Variants in PCGF3 observed in about 807,000 individuals in gnomAD.
The protein encoded by PCGF3 is polycomb group RING finger protein 3.
Under a neutral mutation model 33.1 loss-of-function variants are expected in PCGF3, and 7 were observed. That is an observed-to-expected ratio of 0.21 (90% confidence interval 0.12 to 0.40). PCGF3 has a LOEUF of 0.40. PCGF3 is among the 10% of genes least tolerant of loss of function. The probability of loss-of-function intolerance (pLI) is 1.00; values close to 1 mark genes in which losing one functional copy is unlikely to be tolerated. For synonymous variants in PCGF3, 153 were observed against 121.3 expected (o/e 1.26, Z -1.72); for missense variants, 211 against 313.3 (o/e 0.67, Z 2.46).
chr4:707,359 C>T (rs1742352381), intron 1 of PCGF3, among the ~76,000 whole-genome samples: 2 of 152,208 alleles, frequency 1.3e-5, no homozygotes, highest in Non-Finnish European at 2.9e-5. Flanking sequence ...GGGCCAGGAC[C>T]CCATGACCAT....
intron 1 of PCGF3, among the ~76,000 whole-genome samples, chr4:728,590 C>T (rs898159643): frequency 6.6e-6 from 1 of 152,298 alleles, no homozygotes; most frequent in African/African-American, 2.4e-5. Flanking sequence ...TAGTCCCCCA[C>T]GGATACCAAG....
chr4:764,853 C>CG, intron 9 of PCGF3, 131 bp from the exon 10 acceptor site: 1 of 644,384 alleles, frequency 1.6e-6, no homozygotes, highest in Admixed American at 2.4e-5. Flanking sequence ...AACCAGCCCC[C>CG]CCCACCCCAT....
At chr4:736,739 G>A (rs1176021019) in intron 5 of PCGF3, among the ~76,000 whole-genome samples, 2 of 150,986 alleles carry the variant, frequency 1.3e-5, no homozygotes, top group Admixed American at 6.6e-5. Flanking sequence ...CGCACGGGAC[G>A]CGGGGAACCC....
chr4:715,104 T>C (rs1464912568), intron 1 of PCGF3, among the ~76,000 whole-genome samples: 3 of 139,312 alleles, frequency 2.2e-5, no homozygotes, highest in Non-Finnish European at 4.6e-5. Context: ...CTGTAGACTC[T>C]GTGAGTGTGA....
At chr4:755,580 C>A (rs1375796323) in intron 8 of PCGF3, among the ~76,000 whole-genome samples, 2 of 152,160 alleles carry the variant, frequency 1.3e-5, no homozygotes, top group Non-Finnish European at 2.9e-5. Flanking sequence ...TCTTCTGAAT[C>A]TTAAAAATGT....
chr4:738,510 G>T (rs1220478310), intron 6 of PCGF3, among the ~76,000 whole-genome samples: 1 of 152,166 alleles, frequency 6.6e-6, no homozygotes, highest in Non-Finnish European at 1.5e-5. Context: ...GGCGGGATCG[G>T]GGCGGGACCC....
At chr4:754,833 C>G (rs1396766325) in intron 8 of PCGF3, among the ~76,000 whole-genome samples, 1 of 152,224 alleles carries the variant, frequency 6.6e-6, no homozygotes, top group Admixed American at 6.5e-5. Flanking sequence ...GGAGACCAGG[C>G]AGGCGTCTGA....
chr4:763,524 C>T (rs1019179773), intron 9 of PCGF3, among the ~76,000 whole-genome samples: 5 of 152,322 alleles, frequency 3.3e-5, no homozygotes, highest in East Asian at 1.9e-4. Flanking sequence ...AGGAAAACTG[C>T]GTGGCACCAC....
At chr4:727,132 G>A (rs915526969) in intron 1 of PCGF3, among the ~76,000 whole-genome samples, 1 of 151,864 alleles carries the variant, frequency 6.6e-6, no homozygotes, top group Non-Finnish European at 1.5e-5. Context: ...CCTTCTGATG[G>A]ACTAACTAGG....
At chr4:763,479 A>G (rs951283576) in intron 9 of PCGF3, among the ~76,000 whole-genome samples, 3 of 152,210 alleles carry the variant, frequency 2.0e-5, no homozygotes, top group East Asian at 1.9e-4. Flanking sequence ...CCAGGGAGGA[A>G]TCTGAAGAAC....
At position 720,741 on chromosome 4, in the gene PCGF3, C is replaced by T. The variant is rs1008529556; in HGVS notation, c.-189-9889C>T. ...ACGGGCGGTGACGTGCGTGTGGACC[C>T]GGCGTGGACGCAGCCCCGACGTGAA... On this transcript the variant is annotated intron_variant, in intron 1 of 10. Transcript: ENST00000362003. The surrounding 1 kb of genome is among the most constrained non-coding windows in gnomAD (Gnocchi z 5.6). 6.7e-6 allele frequency among the ~76,000 whole-genome samples: 1 copy of T among 148,210 alleles called. No individual in the cohort carries two copies. Among genetic ancestry groups the T allele is most frequent in the African/African-American group, 2.5e-5 (1 of 39,834 alleles).
In PCGF3 at chr4:716,643, T is replaced by C. The variant is rs1369041754; in HGVS notation, c.-190+10673T>C. On this transcript the variant is annotated intron_variant, in intron 1 of 10. Coordinates refer to ENST00000362003, the Ensembl canonical transcript of PCGF3. ...GTGCTGGGACCCTGTAGACACTGAG[T>C]GTGAGAACTGGGTGTCGGTGCTGGG... is the stretch of plus-strand genomic sequence containing the variant. 2.5e-5 allele frequency among the ~76,000 whole-genome samples: 3 copies of C among 122,208 alleles called. No individual in the cohort carries two copies. The East Asian group carries it at 8.1e-4, about 33-fold the overall frequency. The allele number at this position is 122,208 out of a possible 152,430, so 80.2% of individuals were successfully genotyped here.
intron 4 of PCGF3, chr4:734,227 T>C: frequency 6.6e-7 from 1 of 1,505,388 alleles, no homozygotes; most frequent in Admixed American, 2.2e-5. Context: ...GGGCTGGACC[T>C]GAGTGTTTTT....
chr4:726,517 T>C (rs73221115), intron 1 of PCGF3, among the ~76,000 whole-genome samples: 4,576 of 152,346 alleles, frequency 0.03, 131 homozygotes, highest in South Asian at 0.089. Flanking sequence ...ATGGTGCTTT[T>C]GAATAACTCA....
intron 10 of PCGF3, among the ~76,000 whole-genome samples, chr4:765,794 GCA>G (rs1156930892): frequency 6.6e-6 from 1 of 152,164 alleles, no homozygotes; most frequent in Non-Finnish European, 1.5e-5. Flanking sequence ...ACCACGGTGT[GCA>G]CAGTGGTCAC....
At chr4:714,183 C>T (rs1028809336) in intron 1 of PCGF3, among the ~76,000 whole-genome samples, 2 of 152,174 alleles carry the variant, frequency 1.3e-5, no homozygotes, top group Non-Finnish European at 2.9e-5. Flanking sequence ...AATCTGCGAG[C>T]GCCTTGATTC....
intron 1 of PCGF3, among the ~76,000 whole-genome samples, chr4:714,014 C>G (rs977655533): frequency 6.6e-6 from 1 of 152,098 alleles, no homozygotes; most frequent in Non-Finnish European, 1.5e-5. Context: ...ACGTCTGTGT[C>G]CCCCAGAATC....
At chr4:732,335 T>TCCTCTCCTCCCTTCCCTTCC (rs1743619148) in intron 3 of PCGF3, 3 of 77,906 alleles carry the variant, frequency 3.9e-5, no homozygotes, top group Non-Finnish European at 9.4e-5. Context: ...TCCCCTTCCC[T>TCCTCTCCTCCCTTCCCTTCC]CCTCCCCTCC....
At chr4:728,469 G>A (rs1413480191) in intron 1 of PCGF3, among the ~76,000 whole-genome samples, 2 of 151,918 alleles carry the variant, frequency 1.3e-5, no homozygotes, top group African/African-American at 4.8e-5. Context: ...ATCTGGGGAT[G>A]GCGTAGAGCG....
Sources: gnomAD v4.1 joint callset for allele counts (sites outside exome capture counted in the v4.1 genomes callset) on GRCh38, gnomAD v4.1.1 for gene constraint, Gnocchi (gnomAD v3.1) non-coding constraint, MANE v1.5 for transcripts, NCBI Gene and HGNC (gene_info 2026-07-23, HGNC 2026-07-21) for gene names.